The following ZBBX variants were observed in gnomAD, a reference collection of about 807,000 sequenced individuals.
The protein encoded by ZBBX is zinc finger B-box domain-containing protein 1.
In ZBBX, 101 loss-of-function variants were observed where a neutral mutation model predicts 108.5. The ratio of observed to expected loss-of-function variants is 0.93; its 90% CI spans 0.79 to 1.10. ZBBX has a LOEUF of 1.10. ZBBX is among the 50% of genes least tolerant of loss of function. ZBBX has a pLI of 0.00. For missense variants in ZBBX, 1,009 were observed against 941.4 expected (o/e 1.07, Z -0.94); for synonymous variants, 356 against 323.4 (o/e 1.10, Z -1.08).
chr3:167,325,335 A>G (rs938872672), intron 11 of ZBBX, among the ~76,000 whole-genome samples: 3 of 152,150 alleles, frequency 2.0e-5, no homozygotes, highest in African/African-American at 7.2e-5. Context: ...GGAAGAGCAA[A>G]GAGACTTCTT....
At chr3:167,195,034 T>A in the ZBBX span, among the ~76,000 whole-genome samples, 2 of 152,216 alleles carry the variant, frequency 1.3e-5, no homozygotes, top group Non-Finnish European at 2.9e-5. Flanking sequence ...CACTATCTTC[T>A]ACACAGTCTC....
chr3:167,262,169 C>T (rs933489563), intron 20 of ZBBX, among the ~76,000 whole-genome samples: 4 of 148,958 alleles, frequency 2.7e-5, no homozygotes, highest in Admixed American at 2.0e-4. Context: ...GTCTCTCTTT[C>T]CCACTTCAAC....
rs940160078 is a variant in ZBBX, at chr3:167,372,166, G to A, written c.68+668C>T. Among the ~76,000 whole-genome samples, 3 of 152,084 alleles carry A rather than the reference G, an allele frequency of 2.0e-5. 1 individual carries two copies. The highest frequency in any genetic ancestry group is 4.1e-4 in the South Asian group (2 of 4,826). ...GTGGAGGTTGCAGTGAGCCGAGACC[G>A]TGCCAGTGCACTCCAGCCTGGGTGA... On this transcript the variant is annotated intron_variant, in intron 4 of 21. Coordinates refer to ENST00000675490, the MANE Select transcript of ZBBX (RefSeq NM_001199201.2).
At chr3:167,200,085 T>A in the ZBBX span, among the ~76,000 whole-genome samples, 2 of 152,150 alleles carry the variant, frequency 1.3e-5, no homozygotes, top group African/African-American at 2.4e-5. Flanking sequence ...TGTCTGTCTA[T>A]GTCTCTTCTT....
intron 10 of ZBBX, among the ~76,000 whole-genome samples, chr3:167,329,612 T>C (rs932384493): frequency 6.6e-6 from 1 of 152,100 alleles, no homozygotes; most frequent in African/African-American, 2.4e-5. Context: ...AAGCAAAAAG[T>C]GCCAAAGGCA....
At chr3:167,362,252 A>G (rs1744644235) in intron 6 of ZBBX, among the ~76,000 whole-genome samples, 7 of 152,138 alleles carry the variant, frequency 4.6e-5, no homozygotes, top group Admixed American at 4.6e-4. Context: ...CAGGAACTTA[A>G]TATACTAAAG....
At chr3:167,395,463 G>A (rs1206300479) in intron 1 of ZBBX, among the ~76,000 whole-genome samples, 1 of 150,820 alleles carries the variant, frequency 6.6e-6, no homozygotes, top group African/African-American at 2.4e-5. Flanking sequence ...AAAAATTATA[G>A]AGTAAATAAT....
intron 11 of ZBBX, among the ~76,000 whole-genome samples, chr3:167,326,619 G>GT (rs1409586024): frequency 6.6e-6 from 1 of 151,028 alleles, no homozygotes; most frequent in Non-Finnish European, 1.5e-5. Flanking sequence ...GAGTTGACAA[G>GT]TCAAAAAAAA....
At chr3:167,191,918 T>G in the ZBBX span, among the ~76,000 whole-genome samples, 19,907 of 112,504 alleles carry the variant, frequency 0.18, 2,476 homozygotes, top group Non-Finnish European at 0.21. Flanking sequence ...TATATATATA[T>G]ATATATATAT....
At chr3:167,356,335 C>G (rs2108520491) in intron 8 of ZBBX, among the ~76,000 whole-genome samples, 1 of 152,006 alleles carries the variant, frequency 6.6e-6, no homozygotes, top group East Asian at 1.9e-4. Flanking sequence ...TATTCTACTA[C>G]CAAGAGCGGG....
intron 20 of ZBBX, among the ~76,000 whole-genome samples, chr3:167,259,514 G>T (rs1724094974): frequency 6.6e-6 from 1 of 151,892 alleles, no homozygotes; most frequent in Admixed American, 6.6e-5. Context: ...TCTTCTGCTG[G>T]GTTTGGGTTT....
At chr3:167,348,348 GA>G (rs1428829618) in intron 9 of ZBBX, among the ~76,000 whole-genome samples, 3 of 106,112 alleles carry the variant, frequency 2.8e-5, no homozygotes, top group African/African-American at 1.1e-4. Context: ...AAGAAAGAAA[GA>G]AAGAAAGAAA....
At chr3:167,333,736 G>T in intron 10 of ZBBX, 91 bp downstream of exon 10, 1 of 1,126,306 alleles carries the variant, frequency 8.9e-7, no homozygotes, top group Non-Finnish European at 1.2e-6. Flanking sequence ...GAAATTATTG[G>T]TGAAATTCTA....
intron 10 of ZBBX, chr3:167,331,660 A>G: frequency 1.0e-6 from 1 of 982,240 alleles, no homozygotes; most frequent in Non-Finnish European, 1.2e-6. Flanking sequence ...TATCACGTCC[A>G]CTCAGAGTCC....
At chr3:167,229,242 C>T in the ZBBX span, among the ~76,000 whole-genome samples, 1 of 151,936 alleles carries the variant, frequency 6.6e-6, no homozygotes, top group African/African-American at 2.4e-5. Context: ...TCATTCCCCA[C>T]CCATCTCTCC....
chr3:167,391,815 CTG>C (rs1748091232), intron 1 of ZBBX, among the ~76,000 whole-genome samples: 1 of 151,780 alleles, frequency 6.6e-6, no homozygotes, highest in Middle Eastern at 3.4e-3. Context: ...TGCTGTATGT[CTG>C]TGTAACTACT....
At chr3:167,300,626 C>G (rs1485393667) in intron 17 of ZBBX, among the ~76,000 whole-genome samples, 1 of 143,228 alleles carries the variant, frequency 7.0e-6, no homozygotes, top group Non-Finnish European at 1.5e-5. Flanking sequence ...TTTTTTTTTA[C>G]GAGATAAGAG....
intron 20 of ZBBX, among the ~76,000 whole-genome samples, chr3:167,271,697 A>T (rs779305273): frequency 1.3e-5 from 2 of 152,156 alleles, no homozygotes; most frequent in African/African-American, 2.4e-5. Flanking sequence ...TGTAAAAAAA[A>T]CCCAACAAAC....
the ZBBX span, among the ~76,000 whole-genome samples, chr3:167,214,493 G>A: frequency 6.6e-6 from 1 of 152,128 alleles, no homozygotes; most frequent in Non-Finnish European, 1.5e-5. Context: ...CATTAAGCAA[G>A]TTCTTAGAGA....
Sources: allele counts gnomAD v4.1 joint callset (sites outside exome capture counted in the v4.1 genomes callset), GRCh38; gene constraint gnomAD v4.1.1; transcripts MANE v1.5; gene names NCBI Gene and HGNC (gene_info 2026-07-23, HGNC 2026-07-21).